SNX29: variants seen among roughly 807,000 people sequenced by gnomAD.
SNX29 encodes the protein sorting nexin-29.
SNX29 carries 78 observed loss-of-function variants against 102.1 expected under a neutral mutation model. The observed-to-expected ratio is 0.76, with a 90% CI of 0.64 to 0.92. The LOEUF (loss-of-function observed/expected upper bound fraction) is 0.92, where lower values mean the gene tolerates loss of function less well. Among genes scored for constraint, SNX29 ranks in the 40% least tolerant of loss-of-function variants. The pLI is 0.00. For synonymous variants in SNX29, 580 were observed against 414.5 expected, an observed-to-expected ratio of 1.40 and a Z score of -4.85; for missense variants, 1,280 against 1,061.7, an observed-to-expected ratio of 1.21 and a Z score of -2.86.
chr16:12,286,318 T>C (rs2079594481), intron 15 of SNX29, among the ~76,000 whole-genome samples: 1 of 151,782 alleles, frequency 6.6e-6, no homozygotes, highest in Non-Finnish European at 1.5e-5. Context: ...GAAGTGTGAA[T>C]GACTAACAGG....
chr16:12,365,358 G>GTA (rs1555520376), intron 16 of SNX29, among the ~76,000 whole-genome samples: 22 of 150,478 alleles, frequency 1.5e-4, no homozygotes, highest in East Asian at 5.9e-4. Context: ...GTGTGTGTGT[G>GTA]TGTGTGTTTA....
intron 18 of SNX29, among the ~76,000 whole-genome samples, chr16:12,423,016 GCC>G (rs2084929222): frequency 6.6e-6 from 1 of 152,170 alleles, no homozygotes; most frequent in Admixed American, 6.5e-5. Context: ...GCTTCTCAAA[GCC>G]CAGCTCAGGA....
intron 20 of SNX29, among the ~76,000 whole-genome samples, chr16:12,555,434 C>T (rs190378399): frequency 1.3e-3 from 205 of 152,196 alleles, no homozygotes; most frequent in African/African-American, 4.7e-3. Flanking sequence ...TTGTAGGAGA[C>T]ACTCATGTAC....
chr16:12,071,129 C>T (rs1259888014), intron 10 of SNX29, among the ~76,000 whole-genome samples: 2 of 151,600 alleles, frequency 1.3e-5, no homozygotes, highest in African/African-American at 4.8e-5. Flanking sequence ...TGCCTGTTCA[C>T]TCTGATGGTA....
rs2056741106 is a variant in SNX29, at chr16:12,013,503, ATATATATATAT to A, written c.122+10461_122+10471del. 2.7e-3 allele frequency among the ~76,000 whole-genome samples: 153 copies of A among 56,612 alleles called. 19 individuals are homozygous for A. The highest frequency in any genetic ancestry group is 8.6e-3 in the African/African-American group (85 of 9,900). The allele number at this position is 56,612 out of a possible 152,430, so 37.1% of individuals were successfully genotyped here. On this transcript the variant is annotated intron_variant, in intron 3 of 20. Coordinates refer to ENST00000566228, the MANE Select transcript of SNX29 (RefSeq NM_032167.5). ...TCTACTGGGGGAAAAAAAAAAAAAT[ATATATATATAT>A]ATATATATATATATATATATATATA...
intron 20 of SNX29, among the ~76,000 whole-genome samples, chr16:12,562,566 G>C (rs576513896): frequency 6.6e-6 from 1 of 152,180 alleles, no homozygotes; most frequent in Non-Finnish European, 1.5e-5. Context: ...TGTCCCCGTG[G>C]TCCCTAGTTT....
chr16:12,093,880 G>T (rs1420042308), intron 11 of SNX29: 1 of 152,196 alleles, frequency 6.6e-6, no homozygotes, highest in East Asian at 1.9e-4. Flanking sequence ...CTCTCCTTCA[G>T]AGTGTTCCAG....
At chr16:12,121,534 T>C (rs1292353482) in intron 11 of SNX29, among the ~76,000 whole-genome samples, 1 of 152,240 alleles carries the variant, frequency 6.6e-6, no homozygotes, top group Non-Finnish European at 1.5e-5. Flanking sequence ...AGGAGTTCAC[T>C]GAGTCACCTT....
At chr16:12,419,591 C>T (rs1374292254) in intron 18 of SNX29, among the ~76,000 whole-genome samples, 3 of 150,466 alleles carry the variant, frequency 2.0e-5, no homozygotes, top group East Asian at 2.0e-4. Flanking sequence ...TGTCGATTTG[C>T]GTTGCTCTGT....
intron 14 of SNX29, among the ~76,000 whole-genome samples, chr16:12,224,802 T>C (rs934680657): frequency 1.3e-5 from 2 of 152,072 alleles, no homozygotes; most frequent in African/African-American, 4.8e-5. Flanking sequence ...TGTGTCCTTT[T>C]GCATGTGTTT....
At chr16:12,262,766 C>T (rs1013910199) in intron 14 of SNX29, among the ~76,000 whole-genome samples, 14 of 152,178 alleles carry the variant, frequency 9.2e-5, no homozygotes, top group African/African-American at 3.4e-4. Flanking sequence ...ATGCAGATGG[C>T]ATTCACAAAC....
At chr16:12,315,882 G>A (rs2080716485) in intron 15 of SNX29, among the ~76,000 whole-genome samples, 1 of 152,218 alleles carries the variant, frequency 6.6e-6, no homozygotes, top group Admixed American at 6.5e-5. Flanking sequence ...AAATCAGGAG[G>A]CATCTCTTCT....
At chr16:12,136,028 C>T (rs934105878) in intron 13 of SNX29, among the ~76,000 whole-genome samples, 8 of 152,194 alleles carry the variant, frequency 5.3e-5, no homozygotes, top group African/African-American at 1.4e-4. Context: ...ACTCTTCTGT[C>T]GTGACTCAGA....
At chr16:12,032,451 C>T (rs1236406642) in intron 4 of SNX29, among the ~76,000 whole-genome samples, 1 of 151,866 alleles carries the variant, frequency 6.6e-6, no homozygotes, top group Non-Finnish European at 1.5e-5. Context: ...TGTGATCCAC[C>T]CACCTCGGCC....
chr16:12,284,900 A>G (rs1279015182), intron 15 of SNX29, among the ~76,000 whole-genome samples: 4 of 151,956 alleles, frequency 2.6e-5, no homozygotes, highest in Non-Finnish European at 5.9e-5. Context: ...AATTTTTTAT[A>G]TTTTTAACAG....
chr16:12,548,783 G>A (rs529018657), intron 20 of SNX29, among the ~76,000 whole-genome samples: 4 of 152,334 alleles, frequency 2.6e-5, no homozygotes, highest in Admixed American at 2.6e-4. Context: ...AGCCACCACA[G>A]TGCTGGGTCA....
Position 12,356,194 on chromosome 16 carries a change from T to A in SNX29, c.1814T>A (p.Phe605Tyr). Residue 605 changes from phenylalanine (F) to tyrosine (Y), a missense_variant, in exon 16 of 21, where the codon TTC (phenylalanine) becomes TAC (tyrosine). Physicochemically the swap from Phe to Tyr is conservative, Grantham distance 22 (BLOSUM62 3). Transcript: ENST00000566228. Reference sequence around the variant, plus strand: ...GAGATGCATGGCGAGCTGATTGAGTTCAACGAGCGCCTGCACAGGGCCCTG... The same window carrying A: ...GAGATGCATGGCGAGCTGATTGAGTACAACGAGCGCCTGCACAGGGCCCTG... ...VAEMHGELIE[F>Y]NERLHRALVA... 6.2e-7 allele frequency: 1 copy of A among 1,613,362 alleles called. No homozygotes were observed.
chr16:12,078,940 A>C, intron 11 of SNX29, 25 bp downstream of exon 11: 1 of 1,569,576 alleles, frequency 6.4e-7, no homozygotes, highest in Non-Finnish European at 8.7e-7. Context: ...AGCCCCCTCC[A>C]CCAGCTCTGG....
At chr16:12,138,645 C>T (rs932515265) in intron 13 of SNX29, among the ~76,000 whole-genome samples, 9 of 152,044 alleles carry the variant, frequency 5.9e-5, no homozygotes, top group Non-Finnish European at 2.9e-5. Context: ...AAATAAGACC[C>T]AGTTTTTGTT....
Sources: gnomAD v4.1 joint callset for allele counts (sites outside exome capture counted in the v4.1 genomes callset) on GRCh38, gnomAD v4.1.1 for gene constraint, MANE v1.5 for transcripts, NCBI Gene and HGNC (gene_info 2026-07-23, HGNC 2026-07-21) for gene names.